Variants in CDK14 observed in about 807,000 individuals in gnomAD.
CDK14 encodes cyclin-dependent kinase 14.
Under a neutral mutation model 60.7 loss-of-function variants are expected in CDK14, and 34 were observed. That is an observed-to-expected ratio of 0.56 (90% confidence interval 0.43 to 0.75). The LOEUF is 0.75. Ranked by LOEUF, CDK14 falls within the 30% of genes least tolerant of loss-of-function variation. The pLI, the probability that CDK14 is intolerant of heterozygous loss-of-function variation, is 0.00. For synonymous variants in CDK14, 197 were observed against 203.7 expected, an observed-to-expected ratio of 0.97 and a Z score of 0.28; for missense variants, 482 against 564.1, an observed-to-expected ratio of 0.85 and a Z score of 1.47.
chr7:90,754,385 C>T (rs1369267003), intron 4 of CDK14, among the ~76,000 whole-genome samples: 1 of 152,122 alleles, frequency 6.6e-6, no homozygotes, highest in Non-Finnish European at 1.5e-5. Flanking sequence ...GGGGAAAGGA[C>T]TCCCTATTTA....
intron 2 of CDK14, among the ~76,000 whole-genome samples, chr7:90,694,120 A>G (rs1318009734): frequency 2.0e-5 from 3 of 152,180 alleles, no homozygotes; most frequent in Non-Finnish European, 2.9e-5. Flanking sequence ...ACCTTTTATT[A>G]TCTTTGTGCC....
intron 6 of CDK14, among the ~76,000 whole-genome samples, chr7:90,867,571 T>C (rs1791230002): frequency 6.6e-6 from 1 of 152,080 alleles, no homozygotes; most frequent in South Asian, 2.1e-4. Flanking sequence ...TATTTAATAA[T>C]TGTGTACAAG....
In CDK14 at chr7:90,720,072, T is replaced by G. The variant is rs142219281; in HGVS notation, c.124-6495T>G. Among the ~76,000 whole-genome samples, 12 of 152,256 alleles carry G rather than the reference T, an allele frequency of 7.9e-5. No homozygotes were observed. The East Asian group carries it at 2.3e-3, about 29-fold the overall frequency. ...CTTTACTGGACTCTTCAAGAGGAGA[T>G]TCGAAGGGAAAAGTACTTTAGGGGG... On this transcript the variant is annotated intron_variant, in intron 2 of 14. Coordinates refer to ENST00000380050, the MANE Select transcript of CDK14 (RefSeq NM_001287135.2).
intron 6 of CDK14, among the ~76,000 whole-genome samples, chr7:90,897,863 G>T (rs1312588677): frequency 6.6e-6 from 1 of 151,902 alleles, no homozygotes; most frequent in Non-Finnish European, 1.5e-5. Flanking sequence ...CTGACATTTT[G>T]CCTGGACCAG....
At chr7:90,635,277 T>G (rs1800113290) in intron 2 of CDK14, among the ~76,000 whole-genome samples, 1 of 152,384 alleles carries the variant, frequency 6.6e-6, no homozygotes, top group African/African-American at 2.4e-5. Flanking sequence ...GTCTAACATG[T>G]AAGTCTTTAA....
intron 4 of CDK14, among the ~76,000 whole-genome samples, chr7:90,771,688 G>T (rs1747462185): frequency 6.6e-6 from 1 of 152,214 alleles, no homozygotes; most frequent in Non-Finnish European, 1.5e-5. Flanking sequence ...CTGAAGTGAA[G>T]GCTTGGCCTG....
intron 14 of CDK14, among the ~76,000 whole-genome samples, chr7:91,167,807 A>T (rs1215930741): frequency 6.6e-6 from 1 of 152,256 alleles, no homozygotes; most frequent in Non-Finnish European, 1.5e-5. Context: ...CATCTTAAAA[A>T]AATGGGAAAA....
At chr7:90,965,440 C>T (rs1028074854) in intron 9 of CDK14, among the ~76,000 whole-genome samples, 8 of 152,198 alleles carry the variant, frequency 5.3e-5, no homozygotes, top group South Asian at 2.1e-4. Flanking sequence ...TTTGGGGAAG[C>T]TTCTCTCCCA....
intron 14 of CDK14, among the ~76,000 whole-genome samples, chr7:91,148,567 T>G (rs995420782): frequency 2.0e-5 from 3 of 152,150 alleles, no homozygotes. Context: ...CAGCCTGACC[T>G]AGATGTTTAG....
At chr7:91,121,421 C>A (rs896990632) in intron 14 of CDK14, among the ~76,000 whole-genome samples, 18 of 152,268 alleles carry the variant, frequency 1.2e-4, no homozygotes, top group African/African-American at 4.3e-4. Flanking sequence ...TATATTACTT[C>A]TGTCTTTGAA....
chr7:90,782,484 T>C (rs1488817379), intron 4 of CDK14, among the ~76,000 whole-genome samples: 2 of 152,202 alleles, frequency 1.3e-5, no homozygotes, highest in Non-Finnish European at 2.9e-5. Context: ...TTGCAGGTAT[T>C]ATTTTACTAA....
Position 91,110,332 on chromosome 7 carries a change from A to G in CDK14, c.1155-2210A>G, listed in dbSNP as rs141312873. 2.3e-4 allele frequency among the ~76,000 whole-genome samples: 35 copies of G among 152,278 alleles called. No homozygotes were observed. The East Asian group carries it at 6.8e-3, about 29-fold the overall frequency. On this transcript the variant is annotated intron_variant, in intron 12 of 14. Transcript: ENST00000380050. ...GGAATGGGACTATCTTATATTGATG[A>G]ATTCCTTATATGAGGCATATACTGT...
intron 12 of CDK14, among the ~76,000 whole-genome samples, chr7:91,081,661 C>T (rs1035599883): frequency 6.6e-6 from 1 of 152,120 alleles, no homozygotes; most frequent in Non-Finnish European, 1.5e-5. Context: ...ATAGCTATAA[C>T]AAAAGACCCA....
intron 10 of CDK14, among the ~76,000 whole-genome samples, chr7:91,014,960 A>C (rs947987352): frequency 6.6e-6 from 1 of 152,196 alleles, no homozygotes. Context: ...CTTGCAGCTA[A>C]GTCTTTGAAA....
chr7:90,964,308 A>G (rs534886334), intron 9 of CDK14, among the ~76,000 whole-genome samples: 32 of 152,296 alleles, frequency 2.1e-4, no homozygotes, highest in African/African-American at 7.5e-4. Flanking sequence ...TAACTTTGAC[A>G]AAATGTAACT....
At chr7:91,100,716 T>C in intron 12 of CDK14, among the ~76,000 whole-genome samples, 1 of 152,130 alleles carries the variant, frequency 6.6e-6, no homozygotes. Flanking sequence ...CCAGGAAGGG[T>C]AGAAAATAGT....
chr7:91,138,329 G>C (rs1447891208), intron 14 of CDK14, among the ~76,000 whole-genome samples: 1 of 152,162 alleles, frequency 6.6e-6, no homozygotes, highest in Non-Finnish European at 1.5e-5. Context: ...TTGAAGCCTT[G>C]TTATAGGCTT....
At chr7:91,190,971 G>A (rs1449286601) in intron 14 of CDK14, among the ~76,000 whole-genome samples, 2 of 152,120 alleles carry the variant, frequency 1.3e-5, no homozygotes, top group Admixed American at 1.3e-4. Context: ...GGTCTCATAC[G>A]TGTCTGACCA....
Position 90,932,848 on chromosome 7 carries a change from G to A in CDK14, c.826+15124G>A, listed in dbSNP as rs151121285. ...TACTTCTGAGCTCACATGGCTGTTG[G>A]CAACATTCTGTTTTTTGAGTCTCTT... On this transcript the variant is annotated intron_variant, in intron 8 of 14. Coordinates refer to ENST00000380050, the MANE Select transcript of CDK14 (RefSeq NM_001287135.2). 5.3e-3 allele frequency among the ~76,000 whole-genome samples: 803 copies of A among 152,190 alleles called. 8 individuals are homozygous for A. Among genetic ancestry groups the A allele is most frequent in the African/African-American group, 0.018 (757 of 41,498 alleles).
Sources: allele counts gnomAD v4.1 joint callset (sites outside exome capture counted in the v4.1 genomes callset), GRCh38; gene constraint gnomAD v4.1.1; transcripts MANE v1.5; gene names NCBI Gene and HGNC (gene_info 2026-07-23, HGNC 2026-07-21).